The following ELMOD3 variants were observed in gnomAD, a reference collection of about 807,000 sequenced individuals.
ELMOD3 encodes the protein ELMO domain containing 3, also known as ELMO domain-containing protein 3.
In ELMOD3, 36 loss-of-function variants were observed where a neutral mutation model predicts 47.4. The observed-to-expected ratio is 0.76, with a 90% CI of 0.58 to 1.00. The LOEUF (loss-of-function observed/expected upper bound fraction) is 1.00. Among genes scored for constraint, ELMOD3 ranks in the 50% least tolerant of loss-of-function variants. ELMOD3 has a pLI of 0.00. For synonymous variants in ELMOD3, 149 were observed against 183.5 expected (o/e 0.81, Z 1.52); for missense variants, 404 against 463.8 (o/e 0.87, Z 1.18).
intron 4 of ELMOD3, among the ~76,000 whole-genome samples, chr2:85,361,233 G>C (rs918905630): frequency 6.6e-6 from 1 of 152,204 alleles, no homozygotes; most frequent in East Asian, 1.9e-4. Context: ...TGTAGCAGGG[G>C]ATAGGTTTGG....
rs780138711 is a variant in ELMOD3 at position 85,357,183 on chromosome 2, C to A, written c.-16C>A. The A allele has an allele frequency of 6.3e-7, 1 of 1,596,970 alleles. No homozygotes were observed. Among genetic ancestry groups the A allele is most frequent in the Admixed American group, 1.7e-5 (1 of 58,098 alleles). ...GGCCCAAGGACAAAGCTCACATGAA[C>A]AAATGATTTTGAGTCATGAATGAAA... On this transcript the variant is annotated 5_prime_UTR_variant, in exon 4 of 14. Transcript: ENST00000409013.
chr2:85,382,066 G>A (rs1472644679), intron 11 of ELMOD3, among the ~76,000 whole-genome samples: 10 of 138,204 alleles, frequency 7.2e-5, no homozygotes, highest in African/African-American at 1.9e-4. Context: ...GCAGCGAGCC[G>A]AGATCTTGCC....
intron 11 of ELMOD3, 112 bp downstream of exon 11, chr2:85,377,586 C>A (rs1685249600): frequency 8.7e-7 from 1 of 1,145,722 alleles, no homozygotes; most frequent in Non-Finnish European, 1.2e-6. Flanking sequence ...GCTTCCCCGT[C>A]AGTCTGACCT....
chr2:85,371,064 T>C (rs750149957), intron 8 of ELMOD3, 22 bp from the exon 9 acceptor site: 18 of 1,612,250 alleles, frequency 1.1e-5, no homozygotes, highest in African/African-American at 2.7e-5. Context: ...ATTCTGCCCA[T>C]TGCCTGCAAC....
intron 11 of ELMOD3, chr2:85,387,293 A>G: frequency 9.9e-7 from 1 of 1,011,480 alleles, no homozygotes; most frequent in Non-Finnish European, 1.2e-6. Context: ...AGTACTTTGC[A>G]CATGTGATCT....
chr2:85,369,943 GT>G, intron 8 of ELMOD3, 113 bp downstream of exon 8: 1 of 1,349,938 alleles, frequency 7.4e-7, no homozygotes, highest in South Asian at 1.4e-5. Context: ...TAAGATCTTG[GT>G]GCCCAGGATC....
chr2:85,379,555 A>G (rs946179643), intron 11 of ELMOD3, among the ~76,000 whole-genome samples: 2 of 152,230 alleles, frequency 1.3e-5, no homozygotes, highest in African/African-American at 4.8e-5. Flanking sequence ...AATTCAGCCC[A>G]AACTGTAGAA....
Position 85,356,989 on chromosome 2 carries a change from G to C in ELMOD3, c.-210G>C, listed in dbSNP as rs1683612245. On this transcript the variant is annotated 5_prime_UTR_variant, in exon 4 of 14. Transcript: ENST00000409013. ...CAGAGCTGAGGCTTCGAAGACCTCAGAGGACTTCTCTCAGCACTCACAGAA... is the reference window on the plus strand; with the variant it reads ...CAGAGCTGAGGCTTCGAAGACCTCACAGGACTTCTCTCAGCACTCACAGAA... The C allele has an allele frequency of 8.8e-6, 4 of 455,720 alleles. No individual in the cohort carries two copies. The highest frequency in any genetic ancestry group is 8.2e-5 in the African/African-American group (4 of 48,934). The allele number at this position is 455,720 out of a possible 1,614,324, so 28.2% of individuals were successfully genotyped here. A position where few individuals can be genotyped will look rare whatever the true frequency, so the allele number is the denominator to read the frequency against.
intron 10 of ELMOD3, 78 bp from the exon 11 acceptor site, chr2:85,377,266 G>GTCAGGGCAGCT: frequency 7.3e-7 from 1 of 1,371,312 alleles, no homozygotes; most frequent in Non-Finnish European, 9.8e-7. Context: ...AGAGGCCAGT[G>GTCAGGGCAGCT]TCAGGGCAGC....
chr2:85,368,320 C>A (rs1470261446), intron 6 of ELMOD3: 8 of 220,942 alleles, frequency 3.6e-5, no homozygotes, highest in Non-Finnish European at 5.5e-5. Flanking sequence ...TCCAGGTACT[C>A]AGGAGGCTGA....
chr2:85,356,921 G>A (rs537439022), intron 3 of ELMOD3, 46 bp from the exon 4 acceptor site: 10 of 260,752 alleles, frequency 3.8e-5, no homozygotes, highest in Non-Finnish European at 5.7e-5. Context: ...TAACTGAATG[G>A]TGAAACCAGT....
chr2:85,382,335 G>A (rs974473958), intron 11 of ELMOD3, among the ~76,000 whole-genome samples: 51 of 151,050 alleles, frequency 3.4e-4, no homozygotes, highest in Non-Finnish European at 6.8e-4. Flanking sequence ...GCTACTCAGA[G>A]GCTGAGGCAG....
intron 10 of ELMOD3, among the ~76,000 whole-genome samples, chr2:85,374,595 G>T (rs963499082): frequency 1.3e-5 from 2 of 151,912 alleles, no homozygotes; most frequent in African/African-American, 4.8e-5. Flanking sequence ...ACCTGCATGA[G>T]CCTCCCAAAG....
chr2:85,371,347 T>C (rs750753118), intron 9 of ELMOD3, 93 bp from the exon 10 acceptor site: 36 of 1,593,014 alleles, frequency 2.3e-5, no homozygotes, highest in Non-Finnish European at 3.1e-5. Context: ...GAGAACTGGA[T>C]GTCTCACAGT....
intron 11 of ELMOD3, chr2:85,387,117 A>C (rs1685985517): frequency 7.7e-7 from 1 of 1,301,616 alleles, no homozygotes; most frequent in Non-Finnish European, 1.0e-6. Context: ...AATCAAGGGA[A>C]GGGATGATAT....
intron 10 of ELMOD3, among the ~76,000 whole-genome samples, chr2:85,375,582 T>C (rs981624831): frequency 1.3e-5 from 2 of 152,236 alleles, no homozygotes; most frequent in Non-Finnish European, 2.9e-5. Flanking sequence ...TTTCTATTTT[T>C]TCATTTTTTC....
chr2:85,369,128 G>C (rs1475228704), intron 7 of ELMOD3, among the ~76,000 whole-genome samples: 1 of 152,194 alleles, frequency 6.6e-6, no homozygotes, highest in East Asian at 1.9e-4. Flanking sequence ...GGAAGTCCCT[G>C]GGGATGGGAG....
Position 85,366,051 on chromosome 2 carries a change from C to T in ELMOD3, c.200-2635C>T, listed in dbSNP as rs371797057. On this transcript the variant is annotated intron_variant, in intron 6 of 13. Coordinates refer to ENST00000409013, the MANE Select transcript of ELMOD3 (RefSeq NM_001135022.2). ...TTGGTTCACTGCAACCTCCGCCTCC[C>T]GAGTTCAAGTGATTCTCCTGCCTCA... 5.3e-5 allele frequency among the ~76,000 whole-genome samples: 8 copies of T among 152,120 alleles called. 1 individual carries two copies. The highest frequency in any genetic ancestry group is 2.0e-4 in the Admixed American group (3 of 15,280).
intron 6 of ELMOD3, among the ~76,000 whole-genome samples, chr2:85,364,825 A>T (rs868701932): frequency 0.086 from 6,063 of 70,598 alleles, 535 homozygotes; most frequent in Non-Finnish European, 0.11. Context: ...ATATATATAT[A>T]TTTTTTTTTT....
Sources: gnomAD v4.1 joint callset for allele counts (sites outside exome capture counted in the v4.1 genomes callset) on GRCh38, gnomAD v4.1.1 for gene constraint, MANE v1.5 for transcripts, NCBI Gene and HGNC (gene_info 2026-07-23, HGNC 2026-07-21) for gene names.